The following PCDHGA1 variants were observed in gnomAD, a reference collection of about 807,000 sequenced individuals.
PCDHGA1 encodes protocadherin gamma-A1.
Under a neutral mutation model 58.0 loss-of-function variants are expected in PCDHGA1, and 32 were observed. The ratio of observed to expected loss-of-function variants is 0.55; its 90% CI spans 0.42 to 0.74. PCDHGA1 has a LOEUF of 0.74. PCDHGA1 is among the 30% of genes least tolerant of loss of function. The probability of loss-of-function intolerance (pLI) is 0.00; values close to 1 mark genes in which losing one functional copy is unlikely to be tolerated. For synonymous variants in PCDHGA1, 498 were observed against 501.1 expected, an observed-to-expected ratio of 0.99 and a Z score of 0.08; for missense variants, 1,205 against 1,182.3, an observed-to-expected ratio of 1.02 and a Z score of -0.28.
At chr5:141,370,956 G>A in intron 1 of PCDHGA1, 1 of 1,613,992 alleles carries the variant, frequency 6.2e-7, no homozygotes, top group South Asian at 1.1e-5. Flanking sequence ...GAACCTGGAT[G>A]GCAGTAGGTA....
At chr5:141,458,617 T>A (rs1392739721) in intron 1 of PCDHGA1, among the ~76,000 whole-genome samples, 6 of 152,170 alleles carry the variant, frequency 3.9e-5, no homozygotes, top group Non-Finnish European at 8.8e-5. Flanking sequence ...TCAGCCAGGC[T>A]GGAGTGCAGT....
rs200109598 is a variant in PCDHGA1 at position 141,388,741 on chromosome 5, A to C, written c.2421+55636A>C. ...ACTTTCTCTTTCAGTGAAGCTAGCC[A>C]GATCACCCAATTTGACCTGAACTCT... is the stretch of plus-strand genomic sequence containing the variant. On this transcript the variant is annotated intron_variant, in intron 1 of 3. Transcript: ENST00000517417. The C allele has an allele frequency of 1.3e-4, 203 of 1,613,906 alleles. No individual in the cohort carries two copies. The highest frequency in any genetic ancestry group is 1.7e-4 in the Non-Finnish European group (198 of 1,179,898).
rs756237595 is a variant in PCDHGA1, at chr5:141,398,946, C to T, written c.2421+65841C>T. The T allele has an allele frequency of 1.9e-6, 3 of 1,613,830 alleles. No individual in the cohort carries two copies. The Admixed American group carries it at 5.0e-5, about 27-fold the overall frequency. ...CAGCCACTGACCAAGACGAGGGCAT[C>T]AACTCAGAAATTACTTATTCCTTCT... On this transcript the variant is annotated intron_variant, in intron 1 of 3. Coordinates refer to ENST00000517417, the MANE Select transcript of PCDHGA1 (RefSeq NM_018912.3).
rs1480320459 is a variant in PCDHGA1, at chr5:141,331,856, C to T, written c.1172C>T (p.Pro391Leu). 4.3e-6 allele frequency: 7 copies of T among 1,613,954 alleles called. No homozygotes were observed. Among genetic ancestry groups the T allele is most frequent in the Non-Finnish European group, 3.4e-6 (4 of 1,180,012 alleles). Reference protein sequence around the residue: ...YTTCFIPGNLPFKLEKLVDNY... With the variant: ...YTTCFIPGNLLFKLEKLVDNY... Reference sequence around the variant, plus strand: ...ACATGTTTCATTCCTGGAAATTTACCCTTTAAATTGGAAAAGTTAGTTGAT... The same window carrying T: ...ACATGTTTCATTCCTGGAAATTTACTCTTTAAATTGGAAAAGTTAGTTGAT... The change falls in exon 1 of 4, where the codon CCC (proline) becomes CTC (leucine). Residue 391 changes from proline to leucine, a missense_variant. Pro to Leu is a moderately conservative substitution (Grantham distance 98). Transcript: ENST00000517417.
Position 141,477,964 on chromosome 5 carries a change from G to T in PCDHGA1, c.2422-16843G>T, listed in dbSNP as rs2099426491. On this transcript the variant is annotated intron_variant, in intron 1 of 3. Coordinates refer to ENST00000517417, the MANE Select transcript of PCDHGA1 (RefSeq NM_018912.3). The surrounding 1 kb of genome is among the most constrained non-coding windows in gnomAD (Gnocchi z 4.9). Reference sequence around the variant, plus strand: ...ACAGTCTCTTGGGATCCCCTAACCAGAGCCTTTTTGCCATAGGGCTGCACA... The same window carrying T: ...ACAGTCTCTTGGGATCCCCTAACCATAGCCTTTTTGCCATAGGGCTGCACA... 6.2e-7 allele frequency: 1 copy of T among 1,613,978 alleles called. No homozygotes were observed. The highest frequency in any genetic ancestry group is 1.1e-5 in the South Asian group (1 of 91,080).
At position 141,476,114 on chromosome 5, in the gene PCDHGA1, G is replaced by C; in HGVS notation, c.2422-18693G>C. 3.8e-6 allele frequency: 6 copies of C among 1,592,296 alleles called. No homozygotes were observed. Among genetic ancestry groups the C allele is most frequent in the Non-Finnish European group, 5.1e-6 (6 of 1,171,536 alleles). On this transcript the variant is annotated intron_variant, in intron 1 of 3. Coordinates refer to ENST00000517417, the MANE Select transcript of PCDHGA1 (RefSeq NM_018912.3). This position sits in a 1 kb window ranked among gnomAD's most constrained non-coding sequence, Gnocchi z 7.6. Reference sequence around the variant, plus strand: ...CCGCTGAGAGGAACTGCTTTTGAGTGAGATGGTCCCAGAGGCCTGGAGGAG... The same window carrying C: ...CCGCTGAGAGGAACTGCTTTTGAGTCAGATGGTCCCAGAGGCCTGGAGGAG...
At chr5:141,364,501 G>A in intron 1 of PCDHGA1, 1 of 1,614,044 alleles carries the variant, frequency 6.2e-7, no homozygotes, top group Non-Finnish European at 8.5e-7. Context: ...TGGAGCCCCA[G>A]GAGCTGGCGG....
intron 1 of PCDHGA1, among the ~76,000 whole-genome samples, chr5:141,349,457 TGTGTACCCCAACACTAA>T (rs1470380293): frequency 6.6e-6 from 1 of 152,200 alleles, no homozygotes; most frequent in Non-Finnish European, 1.5e-5. Context: ...AAAGCATGTA[TGTGTACCCCAACACTAA>T]ATTGGCCCTT....
At chr5:141,430,752 A>C (rs772436100) in intron 1 of PCDHGA1, 1 of 1,501,400 alleles carries the variant, frequency 6.7e-7, no homozygotes, top group East Asian at 2.3e-5. Context: ...TTCTGGAGGA[A>C]GATAAGAATG....
chr5:141,392,881 T>C, intron 1 of PCDHGA1: 6 of 1,613,564 alleles, frequency 3.7e-6, no homozygotes, highest in Non-Finnish European at 5.1e-6. Context: ...CTGGGAACGC[T>C]GTGGGAAATC....
At position 141,331,744 on chromosome 5, in the gene PCDHGA1, A is replaced by G. The variant is rs369854433; in HGVS notation, c.1060A>G (p.Thr354Ala). The G allele has an allele frequency of 2.6e-5, 42 of 1,614,010 alleles. No individual in the cohort carries two copies. The highest frequency in any genetic ancestry group is 3.5e-5 in the Non-Finnish European group (41 of 1,180,036). Reference protein sequence around the residue: ...APEVTITSVTTAVPENFPPGT... With the variant: ...APEVTITSVTAAVPENFPPGT... ...AGAAGTGACCATCACCTCTGTCACCACTGCAGTTCCAGAAAACTTTCCTCC... is the reference window on the plus strand; with the variant it reads ...AGAAGTGACCATCACCTCTGTCACCGCTGCAGTTCCAGAAAACTTTCCTCC... Residue 354 changes from threonine to alanine, a missense_variant, in exon 1 of 4, where the codon ACT (threonine) becomes GCT (alanine). Coordinates refer to ENST00000517417, the MANE Select transcript of PCDHGA1 (RefSeq NM_018912.3).
intron 1 of PCDHGA1, chr5:141,421,835 G>A (rs755889809): frequency 5.6e-6 from 9 of 1,613,746 alleles, no homozygotes; most frequent in Non-Finnish European, 6.8e-6. Context: ...AGCCTGGACC[G>A]AGAGAAAGAG....
chr5:141,351,258 T>C, intron 1 of PCDHGA1: 1 of 1,613,936 alleles, frequency 6.2e-7, no homozygotes, highest in Non-Finnish European at 8.5e-7. Flanking sequence ...CAAATAGAAA[T>C]TGTTGACGAG....
chr5:141,507,483 T>G (rs2099860964), intron 3 of PCDHGA1, among the ~76,000 whole-genome samples: 1 of 152,184 alleles, frequency 6.6e-6, no homozygotes, highest in South Asian at 2.1e-4. Context: ...GCTGGCCTCC[T>G]GAGGCAGAGC....
Position 141,485,365 on chromosome 5 carries a change from G to A in PCDHGA1, c.2422-9442G>A. 1 of 1,614,120 alleles carries A rather than the reference G, an allele frequency of 6.2e-7. No homozygotes were observed. Among genetic ancestry groups the A allele is most frequent in the Admixed American group, 1.7e-5 (1 of 60,018 alleles). ...CGGACAGTCTGTCAGCTCGCAGGCT[G>A]CAGGTCGCTGGAGAGGTGAACCAAA... On this transcript the variant is annotated intron_variant, in intron 1 of 3. Transcript: ENST00000517417. The surrounding 1 kb of genome is among the most constrained non-coding windows in gnomAD (Gnocchi z 5.7).
At position 141,357,036 on chromosome 5, in the gene PCDHGA1, C is replaced by T. The variant is rs765676515; in HGVS notation, c.2421+23931C>T. 10 of 1,614,042 alleles carry T rather than the reference C, an allele frequency of 6.2e-6. No homozygotes were observed. The Middle Eastern group carries it at 5.0e-4, about 80-fold the overall frequency. On this transcript the variant is annotated intron_variant, in intron 1 of 3. Coordinates refer to ENST00000517417, the MANE Select transcript of PCDHGA1 (RefSeq NM_018912.3). The stretch of plus-strand genomic sequence containing the variant: ...TGTCCTACAGCCTACTCAAGTCCAG[C>T]GAGCCGGGACTATTTGCAGTGGGGC...
intron 1 of PCDHGA1, chr5:141,419,170 C>G: frequency 6.2e-7 from 1 of 1,613,966 alleles, no homozygotes; most frequent in South Asian, 1.1e-5. Flanking sequence ...CCAGCAAAAC[C>G]ATAACCCTGC....
intron 1 of PCDHGA1, chr5:141,399,397 G>C: frequency 1.2e-6 from 2 of 1,613,940 alleles, no homozygotes; most frequent in Non-Finnish European, 8.5e-7. Context: ...CACAGACAGG[G>C]GCAAGCCGCC....
chr5:141,355,932 G>T lies in PCDHGA1; in HGVS notation c.2421+22827G>T, dbSNP rs139771811. The T allele has an allele frequency of 2.6e-4, 413 of 1,613,772 alleles. 2 individuals are homozygous for T. The African/African-American group carries it at 4.6e-3, about 18-fold the overall frequency. Reference sequence around the variant, plus strand: ...ACGATAATGCTCCCGTGTTCACTCAGCCCGAGTACCACGTAAGTGTTCGTG... The same window carrying T: ...ACGATAATGCTCCCGTGTTCACTCATCCCGAGTACCACGTAAGTGTTCGTG... On this transcript the variant is annotated intron_variant, in intron 1 of 3. Transcript: ENST00000517417.
Sources: allele counts gnomAD v4.1 joint callset (sites outside exome capture counted in the v4.1 genomes callset), GRCh38; gene constraint gnomAD v4.1.1; non-coding constraint Gnocchi (gnomAD v3.1); transcripts MANE v1.5; gene names NCBI Gene and HGNC (gene_info 2026-07-23, HGNC 2026-07-21).